Variants in LSM14B observed in about 807,000 individuals in gnomAD.
LSM14B encodes the protein protein LSM14 homolog B.
LSM14B carries 8 observed loss-of-function variants against 42.1 expected under a neutral mutation model. The observed-to-expected ratio is 0.19, with a 90% CI of 0.11 to 0.34. The LOEUF (loss-of-function observed/expected upper bound fraction) is 0.34. Ranked by LOEUF, LSM14B falls within the 10% of genes least tolerant of loss-of-function variation. The pLI, the probability that LSM14B is intolerant of heterozygous loss-of-function variation, is 1.00. For missense variants in LSM14B, 396 were observed against 513.1 expected (o/e 0.77, Z 2.21); for synonymous variants, 219 against 209.7 (o/e 1.04, Z -0.38).
intron 3 of LSM14B, among the ~76,000 whole-genome samples, chr20:62,128,207 A>G (rs1490153836): frequency 1.3e-5 from 2 of 152,144 alleles, no homozygotes; most frequent in Non-Finnish European, 2.9e-5. Context: ...AGTGTACACC[A>G]CCTGTCTCTG....
intron 8 of LSM14B, 148 bp downstream of exon 8, chr20:62,133,623 A>G (rs886611033): frequency 2.9e-5 from 26 of 896,368 alleles, no homozygotes; most frequent in African/African-American, 1.0e-4. Flanking sequence ...CCTCGACCCT[A>G]TGAGTCACCC....
chr20:62,128,070 C>G (rs2056656051), intron 3 of LSM14B: 3 of 533,804 alleles, frequency 5.6e-6, no homozygotes, highest in Non-Finnish European at 1.0e-5. Flanking sequence ...ACCTGACATG[C>G]CTGTTTTGCT....
At chr20:62,132,359 C>T (rs6062074) in intron 7 of LSM14B, among the ~76,000 whole-genome samples, 7,159 of 152,196 alleles carry the variant, frequency 0.047, 507 homozygotes, top group African/African-American at 0.16. Context: ...TTCCAAGTGC[C>T]GCGGGAAGCC....
At chr20:62,125,390 G>C (rs1475861992) in intron 2 of LSM14B, among the ~76,000 whole-genome samples, 1 of 152,190 alleles carries the variant, frequency 6.6e-6, no homozygotes, top group African/African-American at 2.4e-5. Context: ...GTGATGTTTC[G>C]GGCATAGCGT....
At chr20:62,124,349 C>G (rs1273919345) in intron 1 of LSM14B, among the ~76,000 whole-genome samples, 1 of 152,270 alleles carries the variant, frequency 6.6e-6, no homozygotes, top group East Asian at 1.9e-4. Flanking sequence ...GGTGCCTTCG[C>G]ACATCAGACT....
chr20:62,126,981 A>G (rs1457863103), intron 3 of LSM14B, among the ~76,000 whole-genome samples: 1 of 152,268 alleles, frequency 6.6e-6, no homozygotes, highest in African/African-American at 2.4e-5. Context: ...TGAGCGGCAC[A>G]GTGAGACTCT....
intron 7 of LSM14B, among the ~76,000 whole-genome samples, chr20:62,132,914 C>T (rs1454220749): frequency 6.6e-6 from 1 of 152,146 alleles, no homozygotes; most frequent in East Asian, 1.9e-4. Flanking sequence ...TAGCCTCCTC[C>T]TTGTCTAGGA....
At chr20:62,128,941 C>G in intron 3 of LSM14B, 1 of 1,303,778 alleles carries the variant, frequency 7.7e-7, no homozygotes, top group Non-Finnish European at 1.0e-6. Flanking sequence ...TTTTCTGTTT[C>G]AGATCTCTGT....
chr20:62,130,523 C>T lies in LSM14B; in HGVS notation c.674-7C>T, dbSNP rs186492493. ...ACTTCAGCCAGGGCTGTCCTTTGTC[C>T]TCACAGGAAACAGGCGAACAAGGAA... On this transcript the variant is annotated splice_region_variant and splice_polypyrimidine_tract_variant and intron_variant, in intron 5 of 8. Coordinates refer to ENST00000279068, the MANE Select transcript of LSM14B (RefSeq NM_144703.3). This position sits in a 1 kb window ranked among gnomAD's most constrained non-coding sequence, Gnocchi z 4.1. 403 of 1,613,332 alleles carry T rather than the reference C, an allele frequency of 2.5e-4. 5 individuals carry two copies. The East Asian group carries it at 6.1e-3, about 24-fold the overall frequency.
In LSM14B at chr20:62,130,498, A is replaced by C; in HGVS notation, c.674-32A>C. On this transcript the variant is annotated intron_variant, in intron 5 of 8. Transcript: ENST00000279068. This position sits in a 1 kb window ranked among gnomAD's most constrained non-coding sequence, Gnocchi z 4.1. The stretch of plus-strand genomic sequence containing the variant: ...TTTGAGATCACTGGGTTGGTGACCT[A>C]CTTCAGCCAGGGCTGTCCTTTGTCC... 1 of 1,608,838 alleles carries C rather than the reference A, an allele frequency of 6.2e-7. No individual in the cohort carries two copies. The highest frequency in any genetic ancestry group is 8.5e-7 in the Non-Finnish European group (1 of 1,176,814).
rs573303219 is a variant in LSM14B at position 62,130,108 on chromosome 20, C to T, written c.596-111C>T. ...GGCAGGCCTGTGCAGCAGCCTCCTG[C>T]GGTGCCGCCCTGGCCGCGTGCCCCA... is the stretch of plus-strand genomic sequence containing the variant. On this transcript the variant is annotated intron_variant, in intron 4 of 8. Transcript: ENST00000279068. This position sits in a 1 kb window ranked among gnomAD's most constrained non-coding sequence, Gnocchi z 4.1. 105 of 1,459,172 alleles carry T rather than the reference C, an allele frequency of 7.2e-5. 1 individual carries two copies. The highest frequency in any genetic ancestry group is 7.0e-4 in the South Asian group (55 of 78,878). 90.4% of individuals were successfully genotyped at this position (1,459,172 alleles called of 1,614,324 possible).
intron 6 of LSM14B, among the ~76,000 whole-genome samples, chr20:62,131,004 T>A (rs2056751481): frequency 6.6e-6 from 1 of 152,034 alleles, no homozygotes; most frequent in African/African-American, 2.4e-5. Flanking sequence ...GAGCCAAGAT[T>A]GCGCCACTGC....
rs375812044 is a variant in LSM14B at position 62,126,592 on chromosome 20, C to T, written c.427+153C>T. On this transcript the variant is annotated intron_variant, in intron 3 of 8. Coordinates refer to ENST00000279068, the MANE Select transcript of LSM14B (RefSeq NM_144703.3). ...TTAGTAAATTACCCAGTGCAACTTC[C>T]GCTTGTGAGAGCATTTAGTAACTAC... 3.9e-5 allele frequency among the ~76,000 whole-genome samples: 6 copies of T among 152,332 alleles called. No homozygotes were observed. In the South Asian group the frequency reaches 6.2e-4, roughly 16 times the overall value.
rs1277110925 is a variant in LSM14B at position 62,124,746 on chromosome 20, A to G, written c.257A>G (p.Gln86Arg). ...ACTGTGTGTGAACCTCCGAAAGCTC[A>G]GCACACACTCCCGCAGGATCCCGCC... is the stretch of plus-strand genomic sequence containing the variant. ...DITVCEPPKA[Q>R]HTLPQDPAIV... The change falls in exon 2 of 9, where the codon CAG becomes CGG. Residue 86 changes from glutamine to arginine, a missense_variant. This residue lies in a region of LSM14B where 274 missense variants were observed against 335.8 expected (regional missense o/e 0.82). Coordinates refer to ENST00000279068, the MANE Select transcript of LSM14B (RefSeq NM_144703.3). 1 of 1,613,826 alleles carries G rather than the reference A, an allele frequency of 6.2e-7. No homozygotes were observed. Among genetic ancestry groups the G allele is most frequent in the African/African-American group, 1.3e-5 (1 of 75,056 alleles).
Position 62,130,304 on chromosome 20 carries a change from C to CTGT in LSM14B, c.673+11_673+13dup. 1 of 1,583,568 alleles carries CTGT rather than the reference C, an allele frequency of 6.3e-7. No individual in the cohort carries two copies. Among genetic ancestry groups the CTGT allele is most frequent in the South Asian group, 1.2e-5 (1 of 86,718 alleles). On this transcript the variant is annotated intron_variant, in intron 5 of 8. Coordinates refer to ENST00000279068, the MANE Select transcript of LSM14B (RefSeq NM_144703.3). This position sits in a 1 kb window ranked among gnomAD's most constrained non-coding sequence, Gnocchi z 4.1. ...CTCAGAGGAGGCGATCAGGTAACAC[C>CTGT]TGTTGCCACTTGATTTCTGGGGACC...
At position 62,130,779 on chromosome 20, in the gene LSM14B, C is replaced by G; in HGVS notation, c.835+88C>G. The stretch of plus-strand genomic sequence containing the variant: ...AGATGCCTGGCCGGGTGTGGTGGTT[C>G]ACGCCTGTAATCTCAGCACTTTGGG... On this transcript the variant is annotated intron_variant, in intron 6 of 8. Transcript: ENST00000279068. The surrounding 1 kb of genome is among the most constrained non-coding windows in gnomAD (Gnocchi z 4.1). The G allele has an allele frequency of 7.2e-7, 1 of 1,384,804 alleles. No individual in the cohort carries two copies. 85.8% of individuals were successfully genotyped at this position (1,384,804 alleles called of 1,614,324 possible).
chr20:62,132,134 C>T (rs1253992006), intron 7 of LSM14B, among the ~76,000 whole-genome samples: 1 of 152,192 alleles, frequency 6.6e-6, no homozygotes, highest in African/African-American at 2.4e-5. Context: ...TCTTCAGGTT[C>T]ATGTTCTGCC....
chr20:62,127,528 G>A (rs1378667633), intron 3 of LSM14B: 2 of 1,215,354 alleles, frequency 1.6e-6, no homozygotes, highest in Non-Finnish European at 1.2e-6. Context: ...CAAGACAAGT[G>A]TATCCTGACT....
At chr20:62,124,496 G>A (rs1186623478) in intron 1 of LSM14B, 121 bp from the exon 2 acceptor site, 2 of 964,996 alleles carry the variant, frequency 2.1e-6, no homozygotes, top group South Asian at 1.6e-5. Context: ...GTGGACCTGG[G>A]GTGCTGTGTT....
Sources: gnomAD v4.1 joint callset for allele counts (sites outside exome capture counted in the v4.1 genomes callset) on GRCh38, gnomAD v4.1.1 for gene constraint, gnomAD v4.1.1 regional missense constraint, Gnocchi (gnomAD v3.1) non-coding constraint, MANE v1.5 for transcripts, NCBI Gene and HGNC (gene_info 2026-07-23, HGNC 2026-07-21) for gene names.